KCNQ3: variants seen among roughly 807,000 people sequenced by gnomAD.
The protein encoded by KCNQ3 is potassium voltage-gated channel subfamily Q member 3, also known as potassium voltage-gated channel subfamily KQT member 3.
In KCNQ3, 30 loss-of-function variants were observed where a neutral mutation model predicts 92.5. The ratio of observed to expected loss-of-function variants is 0.32; its 90% CI spans 0.24 to 0.44. KCNQ3 has a LOEUF of 0.44. KCNQ3 is among the 20% of genes least tolerant of loss of function. KCNQ3 has a pLI of 1.00. For synonymous variants in KCNQ3, 450 were observed against 468.8 expected, an observed-to-expected ratio of 0.96 and a Z score of 0.52; for missense variants, 913 against 1,140.3, an observed-to-expected ratio of 0.80 and a Z score of 2.87.
intron 9 of KCNQ3, among the ~76,000 whole-genome samples, chr8:132,150,072 G>C (rs1328236416): frequency 1.9e-5 from 2 of 106,834 alleles, no homozygotes; most frequent in Non-Finnish European, 2.1e-5. Flanking sequence ...TTTAAACAAA[G>C]CTTTTTTTTT....
chr8:132,480,669 C>CA lies in KCNQ3; in HGVS notation c.-138dup, dbSNP rs1051041337. ...ATGCCATGATCCGCGCGCCCCTCCC[C>CA]ACCCCCCCCCAAAAGCAGGCAAAGG... On this transcript the variant is annotated 5_prime_UTR_variant, in exon 1 of 15. Transcript: ENST00000388996. 2 of 931,578 alleles carry CA rather than the reference C, an allele frequency of 2.1e-6. No individual in the cohort carries two copies. Among genetic ancestry groups the CA allele is most frequent in the Non-Finnish European group, 2.6e-6 (2 of 768,342 alleles). 57.7% of individuals were successfully genotyped at this position (931,578 alleles called of 1,614,324 possible).
At position 132,220,811 on chromosome 8, in the gene KCNQ3, C is replaced by CCT. The variant is rs1554633407; in HGVS notation, c.387-34631_387-34630insAG. ...AAATAAAAATATCAATGGCATGAAA[C>CCT]TTTTTTTTATTTTTTTTATTATACT... On this transcript the variant is annotated intron_variant, in intron 1 of 14. Coordinates refer to ENST00000388996, the MANE Select transcript of KCNQ3 (RefSeq NM_004519.4). 2.9e-4 allele frequency among the ~76,000 whole-genome samples: 27 copies of CCT among 92,670 alleles called. 1 individual carries two copies. The East Asian group carries it at 6.8e-3, about 23-fold the overall frequency. The allele number at this position is 92,670 out of a possible 152,430, so 60.8% of individuals were successfully genotyped here.
intron 1 of KCNQ3, among the ~76,000 whole-genome samples, chr8:132,394,300 G>A (rs1820133784): frequency 6.6e-6 from 1 of 152,194 alleles, no homozygotes; most frequent in Admixed American, 6.5e-5. Context: ...GGAAAGCTGA[G>A]TTAAAGGGCA....
chr8:132,309,285 GT>G (rs1817522741), intron 1 of KCNQ3, among the ~76,000 whole-genome samples: 1 of 152,044 alleles, frequency 6.6e-6, no homozygotes, highest in Admixed American at 6.6e-5. Flanking sequence ...TATCTGATTA[GT>G]TCTGTCCCTC....
chr8:132,313,305 G>A (rs1230376933), intron 1 of KCNQ3, among the ~76,000 whole-genome samples: 2 of 152,190 alleles, frequency 1.3e-5, no homozygotes, highest in East Asian at 1.9e-4. Flanking sequence ...ACAGGATAGA[G>A]AACCTGGTCT....
intron 1 of KCNQ3, among the ~76,000 whole-genome samples, chr8:132,251,808 G>A (rs993599541): frequency 1.3e-5 from 2 of 152,152 alleles, no homozygotes; most frequent in African/African-American, 4.8e-5. Flanking sequence ...TGGGCCCTGT[G>A]GGCTAGTGAC....
intron 1 of KCNQ3, among the ~76,000 whole-genome samples, chr8:132,355,505 A>G (rs1020248411): frequency 5.9e-5 from 9 of 152,180 alleles, no homozygotes; most frequent in Non-Finnish European, 4.4e-5. Context: ...GAGTCTGCCA[A>G]TCAGGACCCT....
intron 1 of KCNQ3, among the ~76,000 whole-genome samples, chr8:132,418,912 C>T (rs906613440): frequency 2.0e-5 from 3 of 152,170 alleles, no homozygotes; most frequent in African/African-American, 7.2e-5. Flanking sequence ...GACTTCTGTG[C>T]AAGTCCTAAT....
chr8:132,197,251 T>C (rs1401020478), intron 1 of KCNQ3, among the ~76,000 whole-genome samples: 1 of 152,202 alleles, frequency 6.6e-6, no homozygotes, highest in Non-Finnish European at 1.5e-5. Context: ...GGGTGGGTGA[T>C]GGTTGTGGTG....
chr8:132,354,239 T>A (rs900620152), intron 1 of KCNQ3, among the ~76,000 whole-genome samples: 3 of 152,186 alleles, frequency 2.0e-5, no homozygotes, highest in Non-Finnish European at 4.4e-5. Context: ...GAATTCACCA[T>A]TAGTCAATCA....
chr8:132,307,635 A>G (rs956118428), intron 1 of KCNQ3, among the ~76,000 whole-genome samples: 5 of 152,224 alleles, frequency 3.3e-5, no homozygotes, highest in African/African-American at 1.2e-4. Flanking sequence ...CCCAGAGCCC[A>G]GTGGACAGCA....
At chr8:132,379,533 A>G in intron 1 of KCNQ3, among the ~76,000 whole-genome samples, 1 of 152,134 alleles carries the variant, frequency 6.6e-6, no homozygotes, top group East Asian at 1.9e-4. Context: ...ACATCCCACA[A>G]GGTGAGGTCT....
chr8:132,228,887 A>C (rs1488804896), intron 1 of KCNQ3, among the ~76,000 whole-genome samples: 2 of 152,202 alleles, frequency 1.3e-5, no homozygotes, highest in African/African-American at 4.8e-5. Flanking sequence ...TTTATCTTGC[A>C]GATAAGAGGG....
At chr8:132,248,625 C>G (rs1162492859) in intron 1 of KCNQ3, among the ~76,000 whole-genome samples, 1 of 152,138 alleles carries the variant, frequency 6.6e-6, no homozygotes, top group Non-Finnish European at 1.5e-5. Flanking sequence ...CTCCAATATC[C>G]TTTACTTGTC....
At chr8:132,154,327 G>A (rs1281448968) in intron 9 of KCNQ3, among the ~76,000 whole-genome samples, 1 of 146,688 alleles carries the variant, frequency 6.8e-6, no homozygotes, top group African/African-American at 2.5e-5. Context: ...ATTTATACGT[G>A]TTTTCTAATA....
At chr8:132,324,756 A>G (rs560939614) in intron 1 of KCNQ3, among the ~76,000 whole-genome samples, 5 of 152,306 alleles carry the variant, frequency 3.3e-5, no homozygotes, top group Non-Finnish European at 7.3e-5. Context: ...AAGGCTAGAT[A>G]GTGACTTCCC....
chr8:132,373,191 A>G (rs958957646), intron 1 of KCNQ3, among the ~76,000 whole-genome samples: 4 of 152,060 alleles, frequency 2.6e-5, no homozygotes, highest in African/African-American at 9.7e-5. Context: ...TGGGCATTGA[A>G]AAGTCAGCCA....
intron 1 of KCNQ3, among the ~76,000 whole-genome samples, chr8:132,405,158 G>A (rs1362272291): frequency 6.6e-6 from 1 of 152,204 alleles, no homozygotes; most frequent in East Asian, 1.9e-4. Context: ...CCACTGAGCT[G>A]CCACTGGGCA....
chr8:132,302,843 G>A (rs1252480897), intron 1 of KCNQ3, among the ~76,000 whole-genome samples: 1 of 152,186 alleles, frequency 6.6e-6, no homozygotes, highest in South Asian at 2.1e-4. Flanking sequence ...TGGCCCACAG[G>A]TGATTTGGAT....
Sources: allele counts gnomAD v4.1 joint callset (sites outside exome capture counted in the v4.1 genomes callset), GRCh38; gene constraint gnomAD v4.1.1; transcripts MANE v1.5; gene names NCBI Gene and HGNC (gene_info 2026-07-23, HGNC 2026-07-21).